The following MGAT4C variants were observed in gnomAD, a reference collection of about 807,000 sequenced individuals.
The protein encoded by MGAT4C is MGAT4 family member C, also known as alpha-1,3-mannosyl-glycoprotein 4-beta-N-acetylglucosaminyltransferase C.
MGAT4C carries 19 observed loss-of-function variants against 40.1 expected under a neutral mutation model. The ratio of observed to expected loss-of-function variants is 0.47; its 90% CI spans 0.33 to 0.70. MGAT4C has a LOEUF of 0.70. MGAT4C is among the 30% of genes least tolerant of loss of function. The pLI is 0.02. For missense variants in MGAT4C, 491 were observed against 563.2 expected (o/e 0.87, Z 1.30); for synonymous variants, 181 against 187.1 (o/e 0.97, Z 0.27).
chr12:86,315,324 A>C (rs961096310), intron 4 of MGAT4C, among the ~76,000 whole-genome samples: 8 of 152,346 alleles, frequency 5.3e-5, no homozygotes, highest in African/African-American at 1.9e-4. Context: ...CAGAAGAATG[A>C]AACTGGACAC....
intron 2 of MGAT4C, chr12:86,495,340 G>C (rs999274128): frequency 6.6e-6 from 1 of 152,104 alleles, no homozygotes; most frequent in African/African-American, 2.4e-5. Flanking sequence ...AAGAGAGTTT[G>C]ACATTGTCTG....
At chr12:86,819,526 G>A (rs1290335002) in intron 1 of MGAT4C, among the ~76,000 whole-genome samples, 2 of 150,816 alleles carry the variant, frequency 1.3e-5, no homozygotes, top group African/African-American at 4.8e-5. Context: ...GTCAATAAGT[G>A]GTGTATGAAA....
intron 1 of MGAT4C, among the ~76,000 whole-genome samples, chr12:86,231,712 T>A (rs1437405581): frequency 6.6e-6 from 1 of 152,206 alleles, no homozygotes; most frequent in Non-Finnish European, 1.5e-5. Flanking sequence ...CTAACATTCA[T>A]TTTGGTAATA....
At chr12:86,368,187 G>A (rs1955644005) in intron 3 of MGAT4C, among the ~76,000 whole-genome samples, 1 of 152,062 alleles carries the variant, frequency 6.6e-6, no homozygotes, top group East Asian at 1.9e-4. Flanking sequence ...TAAAATATGT[G>A]ATAATATGCA....
At chr12:86,409,028 C>T (rs893379371) in intron 3 of MGAT4C, among the ~76,000 whole-genome samples, 7 of 151,880 alleles carry the variant, frequency 4.6e-5, no homozygotes, top group South Asian at 2.1e-4. Context: ...GCTGGGGTAG[C>T]GTAGTAAGGA....
At chr12:86,545,055 A>G (rs1330738974) in intron 2 of MGAT4C, among the ~76,000 whole-genome samples, 5 of 152,026 alleles carry the variant, frequency 3.3e-5, no homozygotes, top group Non-Finnish European at 7.4e-5. Context: ...ACTCAGAAAC[A>G]TTCATAAATA....
chr12:86,170,019 C>T (rs888099282), intron 1 of MGAT4C, among the ~76,000 whole-genome samples: 2 of 152,160 alleles, frequency 1.3e-5, no homozygotes, highest in African/African-American at 2.4e-5. Context: ...GAGGCATTCC[C>T]ATGTAAATTT....
chr12:86,184,860 C>G lies in MGAT4C; in HGVS notation c.-57+71379G>C, dbSNP rs1010248409. The stretch of plus-strand genomic sequence containing the variant: ...GTAATTTGTGCTAAGTATATATAAT[C>G]AAGCTGAACTTTAAAATGGGCCAGT... On this transcript the variant is annotated intron_variant, in intron 1 of 4. Coordinates refer to ENST00000611864, the MANE Select transcript of MGAT4C (RefSeq NM_001351288.2). Among the ~76,000 whole-genome samples the G allele has an allele frequency of 8.6e-5, 13 of 151,116 alleles. 1 individual carries two copies. Among genetic ancestry groups the G allele is most frequent in the Admixed American group, 8.6e-4 (13 of 15,142 alleles).
At position 86,549,673 on chromosome 12, in the gene MGAT4C, G is replaced by A. The variant is rs185597121; in HGVS notation, c.-228-114408C>T. Among the ~76,000 whole-genome samples, 11 of 152,262 alleles carry A rather than the reference G, an allele frequency of 7.2e-5. No homozygotes were observed. The East Asian group carries it at 2.1e-3, about 29-fold the overall frequency. ...GGTAGCTGAGTAACGTCAGCAAGAC[G>A]CCTCAGAAGAGATGCTTGATGCTCA... On this transcript the variant is annotated intron_variant, in intron 2 of 7. Transcript: ENST00000548651.
intron 2 of MGAT4C, among the ~76,000 whole-genome samples, chr12:86,693,531 T>C (rs1950205997): frequency 6.6e-6 from 1 of 152,134 alleles, no homozygotes; most frequent in Non-Finnish European, 1.5e-5. Flanking sequence ...TATTAGCTAA[T>C]TAGCTTTGGG....
chr12:86,764,755 G>A (rs1332048249), intron 1 of MGAT4C, among the ~76,000 whole-genome samples: 2 of 152,170 alleles, frequency 1.3e-5, no homozygotes, highest in Non-Finnish European at 2.9e-5. Flanking sequence ...CAGGCAAACA[G>A]GGTCTGGAGT....
At chr12:86,278,190 T>TTTTTG (rs1356190447) in intron 4 of MGAT4C, among the ~76,000 whole-genome samples, 1 of 148,886 alleles carries the variant, frequency 6.7e-6, no homozygotes, top group Non-Finnish European at 1.5e-5. Flanking sequence ...TTTTTTTTTT[T>TTTTTG]TTTTTTAAGA....
intron 1 of MGAT4C, among the ~76,000 whole-genome samples, chr12:86,153,511 G>T (rs1177998977): frequency 6.6e-6 from 1 of 152,128 alleles, no homozygotes; most frequent in African/African-American, 2.4e-5. Context: ...CCATGATATG[G>T]TTTGGCTGTG....
intron 2 of MGAT4C, among the ~76,000 whole-genome samples, chr12:86,492,908 G>T (rs1366795729): frequency 2.0e-5 from 3 of 152,032 alleles, no homozygotes; most frequent in Non-Finnish European, 4.4e-5. Flanking sequence ...CTGACAAAGG[G>T]CTAATATCCA....
At position 86,302,050 on chromosome 12, in the gene MGAT4C, A is replaced by T. The variant is rs1173895463; in HGVS notation, c.-57+32015T>A. ...AATTACTTATGAAACTCTAGAATAAATCTATTTTTAAATAAACTTTTTTTA... is the reference window on the plus strand; with the variant it reads ...AATTACTTATGAAACTCTAGAATAATTCTATTTTTAAATAAACTTTTTTTA... On this transcript the variant is annotated intron_variant, in intron 4 of 7. Coordinates refer to the MGAT4C transcript ENST00000548651. 2.0e-5 allele frequency among the ~76,000 whole-genome samples: 3 copies of T among 151,020 alleles called. 1 individual carries two copies. Among genetic ancestry groups the T allele is most frequent in the African/African-American group, 7.4e-5 (3 of 40,366 alleles).
At chr12:86,727,587 G>C (rs376755358) in intron 1 of MGAT4C, among the ~76,000 whole-genome samples, 4 of 151,868 alleles carry the variant, frequency 2.6e-5, no homozygotes, top group Non-Finnish European at 4.4e-5. Context: ...TAGTAAAAAA[G>C]TTAGGAAATA....
At position 86,488,855 on chromosome 12, in the gene MGAT4C, A is replaced by C. The variant is rs938973342; in HGVS notation, c.-228-53590T>G. ...TAAAATAAATTTCTATTTCAACAGC[A>C]AAAAAAATGTGGTTATTTTAAAAAG... On this transcript the variant is annotated intron_variant, in intron 2 of 7. Transcript: ENST00000548651. 1.1e-3 allele frequency among the ~76,000 whole-genome samples: 161 copies of C among 152,014 alleles called. 3 individuals are homozygous for C. The highest frequency in any genetic ancestry group is 9.3e-4 in the Non-Finnish European group (63 of 67,976).
intron 1 of MGAT4C, among the ~76,000 whole-genome samples, chr12:86,809,907 TCTA>T (rs1211175558): frequency 6.6e-6 from 1 of 152,090 alleles, no homozygotes; most frequent in African/African-American, 2.4e-5. Flanking sequence ...GAAAATTCTT[TCTA>T]GCACCTTTAC....
intron 2 of MGAT4C, among the ~76,000 whole-genome samples, chr12:86,533,245 G>C (rs1224780645): frequency 6.6e-6 from 1 of 151,968 alleles, no homozygotes; most frequent in Non-Finnish European, 1.5e-5. Flanking sequence ...GAGGAATCTT[G>C]ATGAGCTACT....
Sources: allele counts gnomAD v4.1 joint callset (sites outside exome capture counted in the v4.1 genomes callset), GRCh38; gene constraint gnomAD v4.1.1; transcripts MANE v1.5; gene names NCBI Gene and HGNC (gene_info 2026-07-23, HGNC 2026-07-21).